The following CDK12 variants were observed in gnomAD, a reference collection of about 807,000 sequenced individuals.
CDK12 encodes the protein cyclin dependent kinase 12, also known as cyclin-dependent kinase 12.
In CDK12, 17 loss-of-function variants were observed where a neutral mutation model predicts 133.8. The observed-to-expected ratio is 0.13, with a 90% CI of 0.09 to 0.19. The LOEUF (loss-of-function observed/expected upper bound fraction) is 0.19, where lower values mean the gene tolerates loss of function less well. Ranked by LOEUF, CDK12 falls within the 10% of genes least tolerant of loss-of-function variation. CDK12 has a pLI of 1.00. For synonymous variants in CDK12, 694 were observed against 683.6 expected (o/e 1.02, Z -0.24); for missense variants, 1,508 against 1,818.7 (o/e 0.83, Z 3.11).
In CDK12 at chr17:39,511,642, T is replaced by A. The variant is rs978644443; in HGVS notation, c.2768+12T>A. On this transcript the variant is annotated intron_variant, in intron 8 of 13. Coordinates refer to ENST00000447079, the MANE Select transcript of CDK12 (RefSeq NM_016507.4). ...GTTTGGAGCTGTGGGTAAGGTTCTG[T>A]TAACTTTTTCTTTTGTCTGTAACTT... The A allele has an allele frequency of 6.3e-7, 1 of 1,579,646 alleles. No individual in the cohort carries two copies. Among genetic ancestry groups the A allele is most frequent in the Non-Finnish European group, 8.7e-7 (1 of 1,150,754 alleles).
intron 6 of CDK12, among the ~76,000 whole-genome samples, chr17:39,504,899 A>AAAAAAAG (rs58347602): frequency 1.4e-5 from 2 of 147,808 alleles, no homozygotes; most frequent in Admixed American, 6.8e-5. Flanking sequence ...AAAAAAAAAA[A>AAAAAAAG]CGCTAAGGAG....
In CDK12 at chr17:39,530,600, A is replaced by G. The variant is rs764392008; in HGVS notation, c.3761-4A>G. On this transcript the variant is annotated splice_polypyrimidine_tract_variant and splice_region_variant and intron_variant, in intron 13 of 13. Transcript: ENST00000447079. ...GGTGTTTAAAAGAAGTAACCCTTCCACAGCATGTCCTCCTCACATTCTTCC... is the reference window on the plus strand; with the variant it reads ...GGTGTTTAAAAGAAGTAACCCTTCCGCAGCATGTCCTCCTCACATTCTTCC... 1.3e-6 allele frequency: 2 copies of G among 1,572,758 alleles called. No individual in the cohort carries two copies. Among genetic ancestry groups the G allele is most frequent in the Non-Finnish European group, 1.7e-6 (2 of 1,158,882 alleles).
intron 2 of CDK12, among the ~76,000 whole-genome samples, chr17:39,473,696 C>A (rs2049972319): frequency 6.6e-6 from 1 of 152,116 alleles, no homozygotes; most frequent in African/African-American, 2.4e-5. Context: ...CAAGACCAGC[C>A]TGATATGGTG....
intron 11 of CDK12, among the ~76,000 whole-genome samples, chr17:39,521,904 G>A (rs2054198067): frequency 6.8e-6 from 1 of 146,932 alleles, no homozygotes; most frequent in African/African-American, 2.5e-5. Context: ...GTCTCACAAT[G>A]TTGTCCAGAC....
chr17:39,476,711 C>CATTTTTTTTTTTTTTTTTTTTTTTTT lies in CDK12; in HGVS notation c.1931+4948_1931+4949insATTTTTTTTTTTTTTTTTTTTTTTTT, dbSNP rs1555553398. ...TACAGGCATGAGCCACCATGCCTGC[C>CATTTTTTTTTTTTTTTTTTTTTTTTT]TTTTTTTTTTTTTTTTTTTTTTTTT... On this transcript the variant is annotated intron_variant, in intron 2 of 13. Coordinates refer to ENST00000447079, the MANE Select transcript of CDK12 (RefSeq NM_016507.4). Among the ~76,000 whole-genome samples, 20 of 84,530 alleles carry CATTTTTTTTTTTTTTTTTTTTTTTTT rather than the reference C, an allele frequency of 2.4e-4. 5 individuals are homozygous for CATTTTTTTTTTTTTTTTTTTTTTTTT. Among genetic ancestry groups the CATTTTTTTTTTTTTTTTTTTTTTTTT allele is most frequent in the Non-Finnish European group, 2.3e-4 (11 of 48,030 alleles). 55.5% of individuals were successfully genotyped at this position (84,530 alleles called of 152,430 possible).
intron 2 of CDK12, among the ~76,000 whole-genome samples, chr17:39,480,124 A>T (rs1232559425): frequency 6.6e-6 from 1 of 151,892 alleles, no homozygotes; most frequent in African/African-American, 2.4e-5. Context: ...GGGTTTTACC[A>T]TCTTTCCCAG....
At chr17:39,538,714 C>T (rs1257930459), downstream of CDK12, among the ~76,000 whole-genome samples, 2 of 152,194 alleles carry the variant, frequency 1.3e-5, no homozygotes, top group African/African-American at 2.4e-5. Context: ...CTGGCTTACA[C>T]GGTGAAACCC....
chr17:39,467,277 AAAC>A (rs1456214906), intron 1 of CDK12, among the ~76,000 whole-genome samples: 1 of 152,024 alleles, frequency 6.6e-6, no homozygotes, highest in African/African-American at 2.4e-5. Flanking sequence ...ATGCCCGGCG[AAAC>A]AACCTAATTT....
At position 39,471,696 on chromosome 17, in the gene CDK12, C is replaced by A; in HGVS notation, c.1864C>A (p.Leu622Met). Residue 622 changes from leucine to methionine, a missense_variant, in exon 2 of 14, where the codon CTG (leucine) becomes ATG (methionine). Leu to Met is a conservative substitution (Grantham distance 15). Around this residue, in one of 9 missense-constraint regions of CDK12, gnomAD observed 347 missense variants for 330.8 expected, o/e 1.05. Coordinates refer to ENST00000447079, the MANE Select transcript of CDK12 (RefSeq NM_016507.4). ...QVSVTAAIPH[L>M]KTSTLPPLPL... Reference sequence around the variant, plus strand: ...ATCTGTAACAGCTGCTATTCCACACCTGAAAACTTCAACGTTGCCTCCTTT... The same window carrying A: ...ATCTGTAACAGCTGCTATTCCACACATGAAAACTTCAACGTTGCCTCCTTT... The A allele has an allele frequency of 6.2e-7, 1 of 1,614,124 alleles. No individual in the cohort carries two copies. The highest frequency in any genetic ancestry group is 8.5e-7 in the Non-Finnish European group (1 of 1,179,996).
rs113835722 is a variant in CDK12 at position 39,521,411 on chromosome 17, C to T, written c.3095+1324C>T. 8.1e-3 allele frequency among the ~76,000 whole-genome samples: 1,225 copies of T among 151,112 alleles called. 16 individuals are homozygous for T. The highest frequency in any genetic ancestry group is 0.028 in the African/African-American group (1,161 of 41,110). ...TCAGCCTCCCAAGTAGCTGGAATTA[C>T]GCCACCATGCCCGGCTAATTTTTGT... On this transcript the variant is annotated intron_variant, in intron 11 of 13. Transcript: ENST00000447079.
chr17:39,482,157 C>T (rs1005828092), intron 2 of CDK12, among the ~76,000 whole-genome samples: 2 of 151,464 alleles, frequency 1.3e-5, no homozygotes, highest in African/African-American at 2.4e-5. Flanking sequence ...GGATTACAGG[C>T]GTGTGCCACC....
intron 4 of CDK12, among the ~76,000 whole-genome samples, chr17:39,493,615 A>G (rs2051823603): frequency 6.6e-6 from 1 of 151,994 alleles, no homozygotes; most frequent in African/African-American, 2.4e-5. Flanking sequence ...ATGAGCCACC[A>G]CGCCTGGCCA....
chr17:39,480,558 C>G (rs1403649281), intron 2 of CDK12, among the ~76,000 whole-genome samples: 1 of 152,072 alleles, frequency 6.6e-6, no homozygotes, highest in Non-Finnish European at 1.5e-5. Flanking sequence ...CCACCTTCCT[C>G]AGTCTCCCAA....
intron 1 of CDK12, among the ~76,000 whole-genome samples, chr17:39,466,538 C>CAGG (rs1212397617): frequency 7.5e-6 from 1 of 133,482 alleles, no homozygotes; most frequent in Non-Finnish European, 1.6e-5. Context: ...TGCTTGAACC[C>CAGG]AGGAGGAGGA....
chr17:39,482,603 T>G (rs978591550), intron 2 of CDK12, among the ~76,000 whole-genome samples: 4 of 127,170 alleles, frequency 3.1e-5, no homozygotes, highest in African/African-American at 1.1e-4. Flanking sequence ...AACTACATTT[T>G]TTTTTTTTTT....
At position 39,462,341 on chromosome 17, in the gene CDK12, A is replaced by G; in HGVS notation, c.270A>G (p.Lys90=). The G allele has an allele frequency of 6.2e-7, 1 of 1,614,204 alleles. No homozygotes were observed. Among genetic ancestry groups the G allele is most frequent in the Non-Finnish European group, 8.5e-7 (1 of 1,180,034 alleles). Residue 90 remains lysine (K), a synonymous_variant, in exon 1 of 14, where the codon AAA becomes AAG. Coordinates refer to ENST00000447079, the MANE Select transcript of CDK12 (RefSeq NM_016507.4). ...SDTFSDDMAF[K]LDRRENDERR... ...CCTTCTCCGATGACATGGCCTTCAA[A>G]CTAGACCGAAGGGAGAACGACGAAC...
intron 5 of CDK12, among the ~76,000 whole-genome samples, chr17:39,496,041 AGCTGGGATTACAG>A (rs1272650350): frequency 2.0e-5 from 3 of 151,720 alleles, no homozygotes; most frequent in African/African-American, 7.3e-5. Flanking sequence ...CCTCCCGGGT[AGCTGGGATTACAG>A]GCATGTGCCA....
At chr17:39,507,197 G>C (rs963120701) in intron 6 of CDK12, among the ~76,000 whole-genome samples, 3 of 151,520 alleles carry the variant, frequency 2.0e-5, no homozygotes, top group African/African-American at 7.3e-5. Context: ...CGCCCGGCCT[G>C]TTCTATTTTA....
chr17:39,531,901 AC>A lies in CDK12; in HGVS notation c.*586del, dbSNP rs1400516347. ...CATCTCACATTTTGCTTTTAAGTGA[AC>A]ACTTTTTCCCCATTGAGCATCTTGA... On this transcript the variant is annotated 3_prime_UTR_variant, in exon 14 of 14. Coordinates refer to ENST00000447079, the MANE Select transcript of CDK12 (RefSeq NM_016507.4). The A allele has an allele frequency of 4.3e-6, 1 of 233,730 alleles. No homozygotes were observed. The highest frequency in any genetic ancestry group is 6.0e-5 in the East Asian group (1 of 16,742). The allele number at this position is 233,730 out of a possible 1,614,324, so 14.5% of individuals were successfully genotyped here.
Sources: gnomAD v4.1 joint callset for allele counts (sites outside exome capture counted in the v4.1 genomes callset) on GRCh38, gnomAD v4.1.1 for gene constraint, gnomAD v4.1.1 regional missense constraint, MANE v1.5 for transcripts, NCBI Gene and HGNC (gene_info 2026-07-23, HGNC 2026-07-21) for gene names.